Variants in RGS6 observed in about 807,000 individuals in gnomAD.
RGS6 encodes the protein regulator of G-protein signaling 6.
A neutral mutation model predicts 78.5 loss-of-function variants in RGS6; 30 were observed. The ratio of observed to expected loss-of-function variants is 0.38; its 90% CI spans 0.29 to 0.52. The LOEUF is 0.52. RGS6 is among the 20% of genes least tolerant of loss of function. RGS6 has a pLI of 0.85. For missense variants in RGS6, 495 were observed against 609.7 expected (o/e 0.81, Z 1.98); for synonymous variants, 206 against 206.0 (o/e 1.00, Z 0.00).
intron 1 of RGS6, among the ~76,000 whole-genome samples, chr14:71,952,890 G>T (rs1171060719): frequency 6.6e-6 from 1 of 152,084 alleles, no homozygotes; most frequent in Non-Finnish European, 1.5e-5. Flanking sequence ...AAAGCCAATA[G>T]GAGTGCTTTT....
intron 2 of RGS6, among the ~76,000 whole-genome samples, chr14:72,104,883 G>C (rs2095601837): frequency 6.6e-6 from 1 of 152,202 alleles, no homozygotes; most frequent in Non-Finnish European, 1.5e-5. Flanking sequence ...GGTTATGCCT[G>C]TTGGCTGATC....
intron 2 of RGS6, among the ~76,000 whole-genome samples, chr14:72,104,163 T>C (rs950396807): frequency 2.0e-5 from 3 of 152,150 alleles, no homozygotes; most frequent in African/African-American, 7.2e-5. Context: ...GTAGAGGTGT[T>C]TCTTTGCCTC....
intron 2 of RGS6, among the ~76,000 whole-genome samples, chr14:71,993,302 T>G (rs970436863): frequency 1.6e-5 from 2 of 128,246 alleles, no homozygotes; most frequent in Non-Finnish European, 3.5e-5. Context: ...AGCGCACACT[T>G]TGACAAAATA....
At chr14:72,251,454 G>T (rs2055753322) in intron 2 of RGS6, among the ~76,000 whole-genome samples, 1 of 152,176 alleles carries the variant, frequency 6.6e-6, no homozygotes. Context: ...AAAACAGAAA[G>T]TTAGCAAGTC....
At chr14:72,253,883 C>T (rs532388880) in intron 2 of RGS6, among the ~76,000 whole-genome samples, 4 of 152,200 alleles carry the variant, frequency 2.6e-5, no homozygotes, top group Non-Finnish European at 5.9e-5. Context: ...ATAACTGCGC[C>T]TATCTGTACT....
chr14:72,105,768 T>A (rs2095620253), intron 2 of RGS6, among the ~76,000 whole-genome samples: 1 of 152,228 alleles, frequency 6.6e-6, no homozygotes, highest in African/African-American at 2.4e-5. Flanking sequence ...TGACCAGAAT[T>A]TATCCTTTCT....
At chr14:72,108,772 A>G (rs564465968) in intron 2 of RGS6, among the ~76,000 whole-genome samples, 3 of 151,988 alleles carry the variant, frequency 2.0e-5, no homozygotes, top group East Asian at 3.9e-4. Context: ...TTCTAGTTCC[A>G]ATTTATATTG....
chr14:72,470,412 G>T (rs2239280), intron 8 of RGS6, among the ~76,000 whole-genome samples: 2 of 152,170 alleles, frequency 1.3e-5, no homozygotes, highest in Admixed American at 6.5e-5. Context: ...CATTTTACCC[G>T]TTGGACTGGA....
chr14:72,285,307 A>T (rs908327360), intron 2 of RGS6, among the ~76,000 whole-genome samples: 1 of 152,090 alleles, frequency 6.6e-6, no homozygotes, highest in Admixed American at 6.5e-5. Flanking sequence ...TAGTTCCCAC[A>T]TGTTGTGGGA....
chr14:72,461,094 C>T lies in RGS6; in HGVS notation c.394+1411C>T, dbSNP rs552462043. On this transcript the variant is annotated intron_variant, in intron 6 of 17. Transcript: ENST00000553525. ...TGATAAGTGGATCCAGGAAGACTTC[C>T]GACTGCAAGTGAGAGCTGCATTTGA... 1.2e-4 allele frequency among the ~76,000 whole-genome samples: 19 copies of T among 152,198 alleles called. 1 individual carries two copies. Among genetic ancestry groups the T allele is most frequent in the South Asian group, 1.2e-3 (6 of 4,820 alleles).
At chr14:72,419,468 G>A (rs1044348391) in intron 3 of RGS6, among the ~76,000 whole-genome samples, 17 of 152,306 alleles carry the variant, frequency 1.1e-4, no homozygotes, top group Admixed American at 4.6e-4. Context: ...CTGAATTGTA[G>A]GAGAGAGACA....
intron 2 of RGS6, among the ~76,000 whole-genome samples, chr14:72,058,817 AGACTACATCCAAGAATGC>A (rs2093748494): frequency 6.6e-6 from 1 of 152,230 alleles, no homozygotes; most frequent in Non-Finnish European, 1.5e-5. Flanking sequence ...ATATTATATT[AGACTACATCCAAGAATGC>A]TATTAACCCA....
At chr14:72,574,124 G>A in the RGS6 span, among the ~76,000 whole-genome samples, 14 of 152,140 alleles carry the variant, frequency 9.2e-5, no homozygotes, top group East Asian at 5.8e-4. Flanking sequence ...GCCCCTCCCC[G>A]GTCAGGCACA....
chr14:71,868,092 G>A, the RGS6 span, among the ~76,000 whole-genome samples: 1 of 152,200 alleles, frequency 6.6e-6, no homozygotes, highest in African/African-American at 2.4e-5. Context: ...TATGGAGCCA[G>A]TGCTATCTTC....
At chr14:71,898,962 G>A in the RGS6 span, among the ~76,000 whole-genome samples, 1 of 152,142 alleles carries the variant, frequency 6.6e-6, no homozygotes, top group African/African-American at 2.4e-5. Context: ...CATTAATGCT[G>A]TGATGAACTC....
chr14:72,379,953 C>T (rs1312049198), intron 3 of RGS6, among the ~76,000 whole-genome samples: 5 of 152,028 alleles, frequency 3.3e-5, no homozygotes, highest in Non-Finnish European at 5.9e-5. Context: ...CAGCATGGTA[C>T]TGTTATAAGA....
intron 2 of RGS6, among the ~76,000 whole-genome samples, chr14:72,156,703 G>A (rs1294265370): frequency 6.7e-6 from 1 of 149,734 alleles, no homozygotes; most frequent in Non-Finnish European, 1.5e-5. Context: ...TATTTCAGCA[G>A]GAAACAATCA....
intron 3 of RGS6, among the ~76,000 whole-genome samples, chr14:72,424,797 T>TG (rs1230799847): frequency 6.6e-5 from 10 of 152,142 alleles, no homozygotes; most frequent in East Asian, 1.9e-4. Context: ...ATCTGAGTTC[T>TG]GGGGGGGCAA....
At chr14:72,511,036 T>A (rs1448731751) in intron 14 of RGS6, among the ~76,000 whole-genome samples, 1 of 152,090 alleles carries the variant, frequency 6.6e-6, no homozygotes, top group South Asian at 2.1e-4. Context: ...TTATGAAAAA[T>A]TTGGGAACTT....
Sources: allele counts gnomAD v4.1 joint callset (sites outside exome capture counted in the v4.1 genomes callset), GRCh38; gene constraint gnomAD v4.1.1; transcripts MANE v1.5; gene names NCBI Gene and HGNC (gene_info 2026-07-23, HGNC 2026-07-21).